The following SSBP2 variants were observed in gnomAD, a reference collection of about 807,000 sequenced individuals.
SSBP2 encodes the protein single stranded DNA binding protein 2.
In SSBP2, 17 loss-of-function variants were observed where a neutral mutation model predicts 61.8. The ratio of observed to expected loss-of-function variants is 0.28; its 90% CI spans 0.19 to 0.41. The LOEUF is 0.41. SSBP2 is among the 10% of genes least tolerant of loss of function. The probability of loss-of-function intolerance (pLI) is 1.00; values close to 1 mark genes in which losing one functional copy is unlikely to be tolerated. For missense variants in SSBP2, 310 were observed against 458.7 expected, an observed-to-expected ratio of 0.68 and a Z score of 2.96; for synonymous variants, 139 against 141.3, an observed-to-expected ratio of 0.98 and a Z score of 0.12.
chr5:81,532,764 A>G (rs1398727168), intron 4 of SSBP2, among the ~76,000 whole-genome samples: 1 of 151,930 alleles, frequency 6.6e-6, no homozygotes, highest in Non-Finnish European at 1.5e-5. Flanking sequence ...GATAAATTAG[A>G]CTTCAGGACA....
At chr5:81,606,472 A>G (rs1283004208) in intron 4 of SSBP2, among the ~76,000 whole-genome samples, 1 of 152,140 alleles carries the variant, frequency 6.6e-6, no homozygotes, top group Non-Finnish European at 1.5e-5. Context: ...TCTGAACTCA[A>G]AGATGTCTGA....
intron 4 of SSBP2, 44 bp downstream of exon 4, chr5:81,615,429 A>T: frequency 7.1e-7 from 1 of 1,411,746 alleles, no homozygotes; most frequent in Non-Finnish European, 1.0e-6. Context: ...GTGGTTAAAC[A>T]GAAAACTGAC....
intron 4 of SSBP2, among the ~76,000 whole-genome samples, chr5:81,609,065 G>A (rs1318332658): frequency 6.6e-6 from 1 of 152,110 alleles, no homozygotes; most frequent in Non-Finnish European, 1.5e-5. Flanking sequence ...AGAGAAGGAG[G>A]CCAAGAACCT....
At chr5:81,535,344 A>T (rs34672205) in intron 4 of SSBP2, among the ~76,000 whole-genome samples, 2 of 152,130 alleles carry the variant, frequency 1.3e-5, no homozygotes, top group East Asian at 3.9e-4. Flanking sequence ...AATATTGTCA[A>T]GATGTCAGTT....
intron 4 of SSBP2, among the ~76,000 whole-genome samples, chr5:81,537,958 T>C (rs948513329): frequency 1.3e-5 from 2 of 152,262 alleles, no homozygotes; most frequent in African/African-American, 4.8e-5. Context: ...AATATTAAAA[T>C]TAGGCCAATT....
chr5:81,643,489 T>C (rs892799609), intron 2 of SSBP2, among the ~76,000 whole-genome samples: 18 of 152,194 alleles, frequency 1.2e-4, no homozygotes, highest in African/African-American at 4.1e-4. Context: ...CATAACCTAC[T>C]GTTCCCACCA....
At chr5:81,424,163 C>T (rs1396739772) in intron 16 of SSBP2, among the ~76,000 whole-genome samples, 2 of 152,056 alleles carry the variant, frequency 1.3e-5, no homozygotes, top group Non-Finnish European at 2.9e-5. Context: ...TGGTGGGTCA[C>T]GCCTGTAATC....
At chr5:81,627,527 G>A (rs910244411) in intron 3 of SSBP2, among the ~76,000 whole-genome samples, 4 of 152,062 alleles carry the variant, frequency 2.6e-5, no homozygotes, top group Non-Finnish European at 4.4e-5. Flanking sequence ...TTGTTTTCCT[G>A]TGGGTATTTG....
At chr5:81,742,372 G>T (rs1200474241) in intron 1 of SSBP2, among the ~76,000 whole-genome samples, 1 of 152,114 alleles carries the variant, frequency 6.6e-6, no homozygotes, top group Admixed American at 6.5e-5. Flanking sequence ...CCAAATACTA[G>T]GAGTATTGGG....
chr5:81,465,225 A>T (rs1047564464), intron 9 of SSBP2, among the ~76,000 whole-genome samples: 1 of 152,040 alleles, frequency 6.6e-6, no homozygotes, highest in African/African-American at 2.4e-5. Context: ...TACAAAGAAG[A>T]TATTATATTA....
At chr5:81,437,639 T>C (rs1435213995) in intron 14 of SSBP2, 181 bp from the exon 15 acceptor site, 8 of 428,878 alleles carry the variant, frequency 1.9e-5, no homozygotes, top group Non-Finnish European at 3.3e-5. Context: ...TACCATCTGA[T>C]GGAAAATGCA....
At position 81,445,541 on chromosome 5, in the gene SSBP2, G is replaced by A. The variant is rs144394468; in HGVS notation, c.778+1327C>T. On this transcript the variant is annotated intron_variant, in intron 12 of 16. Transcript: ENST00000320672. Reference sequence around the variant, plus strand: ...GATCAGTTGATATAATTCTATCTTCGATGAATTGTATCATTTTCAATGAAG... The same window carrying A: ...GATCAGTTGATATAATTCTATCTTCAATGAATTGTATCATTTTCAATGAAG... 1.2e-4 allele frequency among the ~76,000 whole-genome samples: 18 copies of A among 151,976 alleles called. No individual in the cohort carries two copies. The East Asian group carries it at 1.4e-3, about 11-fold the overall frequency.
chr5:81,490,313 A>C (rs959042018), intron 5 of SSBP2, among the ~76,000 whole-genome samples: 13 of 151,974 alleles, frequency 8.6e-5, no homozygotes, highest in African/African-American at 3.1e-4. Context: ...TAGGCACCAA[A>C]ATTTTATAAG....
At chr5:81,488,069 T>TATTATATATATGTGGTGTGTGTGTGTGTA (rs1766566830) in intron 6 of SSBP2, among the ~76,000 whole-genome samples, 1 of 92,264 alleles carries the variant, frequency 1.1e-5, no homozygotes, top group Non-Finnish European at 2.6e-5. Flanking sequence ...AAATAAAATA[T>TATTATATATATGTGGTGTGTGTGTGTGTA]CATATATTAT....
intron 3 of SSBP2, among the ~76,000 whole-genome samples, chr5:81,635,658 A>G (rs560634387): frequency 6.9e-6 from 1 of 144,964 alleles, no homozygotes; most frequent in East Asian, 2.0e-4. Context: ...ATCTCGGCTC[A>G]CTGCAAGCTC....
intron 1 of SSBP2, among the ~76,000 whole-genome samples, chr5:81,676,294 C>T (rs922336751): frequency 2.6e-5 from 4 of 152,130 alleles, no homozygotes; most frequent in Non-Finnish European, 2.9e-5. Context: ...TTGAAGTGGT[C>T]TTCTTTTCTC....
intron 4 of SSBP2, among the ~76,000 whole-genome samples, chr5:81,530,953 T>A (rs1441384528): frequency 6.6e-6 from 1 of 152,092 alleles, no homozygotes; most frequent in Non-Finnish European, 1.5e-5. Flanking sequence ...GCATGGTGGC[T>A]CATGCCTGTA....
At chr5:81,602,445 A>T (rs724913) in intron 4 of SSBP2, among the ~76,000 whole-genome samples, 1 of 151,934 alleles carries the variant, frequency 6.6e-6, no homozygotes, top group African/African-American at 2.4e-5. Flanking sequence ...TTATTAGAAG[A>T]CCTTTTGTTT....
At chr5:81,599,163 A>C (rs2972241) in intron 4 of SSBP2, among the ~76,000 whole-genome samples, 37,151 of 151,988 alleles carry the variant, frequency 0.24, 6,035 homozygotes, top group East Asian at 0.68. Context: ...CAGTGGGACC[A>C]CTGGGAAGGA....
Sources: gnomAD v4.1 joint callset for allele counts (sites outside exome capture counted in the v4.1 genomes callset) on GRCh38, gnomAD v4.1.1 for gene constraint, MANE v1.5 for transcripts, NCBI Gene and HGNC (gene_info 2026-07-23, HGNC 2026-07-21) for gene names.